The following TP63 variants were observed in gnomAD, a reference collection of about 807,000 sequenced individuals.
TP63 encodes tumor protein p63.
Under a neutral mutation model 82.8 loss-of-function variants are expected in TP63, and 17 were observed. The ratio of observed to expected loss-of-function variants is 0.21; its 90% CI spans 0.14 to 0.31. TP63 has a LOEUF of 0.31. Among genes scored for constraint, TP63 ranks in the 10% least tolerant of loss-of-function variants. TP63 has a pLI of 1.00. For missense variants in TP63, 648 were observed against 895.3 expected (o/e 0.72, Z 3.52); for synonymous variants, 330 against 321.7 (o/e 1.03, Z -0.28).
intron 3 of TP63, among the ~76,000 whole-genome samples, chr3:189,744,410 C>CCGG (rs1721219679): frequency 6.6e-6 from 1 of 152,148 alleles, no homozygotes; most frequent in Admixed American, 6.5e-5. Flanking sequence ...CCAGTGCCCG[C>CCGG]ACACACCAGC....
chr3:189,857,610 A>G (rs867238533), intron 4 of TP63, among the ~76,000 whole-genome samples: 1 of 152,226 alleles, frequency 6.6e-6, no homozygotes, highest in Non-Finnish European at 1.5e-5. Context: ...GCCAAAATAC[A>G]TAAGGGACTC....
chr3:189,722,570 G>A (rs1719473769), intron 1 of TP63, among the ~76,000 whole-genome samples: 1 of 150,828 alleles, frequency 6.6e-6, no homozygotes, highest in South Asian at 2.1e-4. Context: ...CTGTAAGGCA[G>A]GGCTCTGAAC....
the TP63 span, among the ~76,000 whole-genome samples, chr3:189,598,085 G>A: frequency 6.6e-6 from 1 of 151,876 alleles, no homozygotes; most frequent in East Asian, 1.9e-4. Context: ...TTGAGAAGAA[G>A]CAAAATAACA....
intron 1 of TP63, among the ~76,000 whole-genome samples, chr3:189,706,931 C>T (rs531008361): frequency 4.0e-5 from 6 of 151,344 alleles, no homozygotes; most frequent in Middle Eastern, 3.4e-3. Flanking sequence ...TTCTCCTACA[C>T]GCTGAAAGAT....
At chr3:189,839,469 T>G (rs946117437) in intron 4 of TP63, among the ~76,000 whole-genome samples, 1 of 152,222 alleles carries the variant, frequency 6.6e-6, no homozygotes, top group Non-Finnish European at 1.5e-5. Context: ...TTATAGTGAT[T>G]TAAGTTCCAG....
At chr3:189,830,171 T>A (rs148867818) in intron 4 of TP63, among the ~76,000 whole-genome samples, 58 of 152,288 alleles carry the variant, frequency 3.8e-4, no homozygotes, top group African/African-American at 1.4e-3. Context: ...GAGTTCAGAT[T>A]TGAGATCTGA....
the TP63 span, among the ~76,000 whole-genome samples, chr3:189,606,499 A>G: frequency 7.0e-6 from 1 of 142,972 alleles, no homozygotes; most frequent in Non-Finnish European, 1.5e-5. Context: ...GCCTTCTAAG[A>G]TGGCCATTTT....
intron 6 of TP63, among the ~76,000 whole-genome samples, 199 bp from the exon 7 acceptor site, chr3:189,867,634 C>T (rs1477274242): frequency 6.6e-6 from 1 of 152,138 alleles, no homozygotes; most frequent in Non-Finnish European, 1.5e-5. Flanking sequence ...AGGTAGTGTT[C>T]AGTGTTGCAA....
At chr3:189,736,784 TAAG>T (rs10574389) in intron 1 of TP63, among the ~76,000 whole-genome samples, 56,031 of 151,640 alleles carry the variant, frequency 0.37, 10,467 homozygotes, top group Admixed American at 0.43. Context: ...TTTGAAATTT[TAAG>T]AAGATGATTG....
At chr3:189,702,606 A>C (rs1266028215) in intron 1 of TP63, among the ~76,000 whole-genome samples, 1 of 152,246 alleles carries the variant, frequency 6.6e-6, no homozygotes, top group Non-Finnish European at 1.5e-5. Context: ...AGCAGGGCAC[A>C]TGCCACAGGA....
chr3:189,868,783 T>C (rs1718049593), intron 8 of TP63, 67 bp downstream of exon 8: 2 of 1,611,132 alleles, frequency 1.2e-6, no homozygotes, highest in Admixed American at 3.3e-5. Flanking sequence ...AATGGGGTGA[T>C]ATTGGAGAAG....
At chr3:189,695,051 C>T (rs114739418) in intron 1 of TP63, among the ~76,000 whole-genome samples, 1 of 151,792 alleles carries the variant, frequency 6.6e-6, no homozygotes, top group Non-Finnish European at 1.5e-5. Flanking sequence ...ACCTGCCCAC[C>T]TTGACAGCCT....
chr3:189,826,959 A>G (rs905595112), intron 4 of TP63, among the ~76,000 whole-genome samples: 6 of 152,232 alleles, frequency 3.9e-5, no homozygotes, highest in African/African-American at 1.4e-4. Flanking sequence ...AGCTGGGTTG[A>G]CTAGGCAAGT....
chr3:189,715,787 T>C (rs1211915741), intron 1 of TP63, among the ~76,000 whole-genome samples: 2 of 152,194 alleles, frequency 1.3e-5, no homozygotes, highest in Non-Finnish European at 2.9e-5. Flanking sequence ...GGTCTGTTTG[T>C]TTTTCTTTTG....
At chr3:189,625,211 T>A in the TP63 span, among the ~76,000 whole-genome samples, 45 of 152,300 alleles carry the variant, frequency 3.0e-4, no homozygotes, top group African/African-American at 1.0e-3. Flanking sequence ...TTTAAATGTT[T>A]TAGGTTCACA....
At chr3:189,665,647 TCACACTTCAGCCACCTTGTC>T (rs2108661163) in intron 1 of TP63, among the ~76,000 whole-genome samples, 1 of 152,158 alleles carries the variant, frequency 6.6e-6, no homozygotes, top group Admixed American at 6.6e-5. Flanking sequence ...AATTCTGGAG[TCACACTTCAGCCACCTTGTC>T]ATGTGAAAAA....
chr3:189,839,728 A>G (rs1487754402), intron 4 of TP63, among the ~76,000 whole-genome samples: 3 of 152,186 alleles, frequency 2.0e-5, no homozygotes, highest in Non-Finnish European at 4.4e-5. Flanking sequence ...TCAGGCATTT[A>G]CCCTGGACCA....
At chr3:189,711,603 G>A (rs1718602039) in intron 1 of TP63, among the ~76,000 whole-genome samples, 1 of 152,144 alleles carries the variant, frequency 6.6e-6, no homozygotes, top group Admixed American at 6.6e-5. Flanking sequence ...AGATAAATCT[G>A]GAAGTACTCC....
chr3:189,813,300 C>T lies in TP63; in HGVS notation c.579+4774C>T, dbSNP rs577269791. Among the ~76,000 whole-genome samples, 170 of 152,250 alleles carry T rather than the reference C, an allele frequency of 1.1e-3. 1 individual carries two copies. The highest frequency in any genetic ancestry group is 3.8e-3 in the African/African-American group (156 of 41,536). ...TGGCATGTTATAAGCAATAACCATA[C>T]GGCCATTAGAAAGAATTCTCTGTAC... On this transcript the variant is annotated intron_variant, in intron 4 of 13. Transcript: ENST00000264731.
Sources: gnomAD v4.1 joint callset for allele counts (sites outside exome capture counted in the v4.1 genomes callset) on GRCh38, gnomAD v4.1.1 for gene constraint, MANE v1.5 for transcripts, NCBI Gene and HGNC (gene_info 2026-07-23, HGNC 2026-07-21) for gene names.